GPC6: variants seen among roughly 807,000 people sequenced by gnomAD.
GPC6 encodes the protein glypican 6.
A neutral mutation model predicts 55.2 loss-of-function variants in GPC6; 14 were observed. That is an observed-to-expected ratio of 0.25 (90% CI 0.17 to 0.40). The LOEUF (loss-of-function observed/expected upper bound fraction) is 0.40. GPC6 is among the 10% of genes least tolerant of loss of function. The pLI, the probability that GPC6 is intolerant of heterozygous loss-of-function variation, is 1.00. For missense variants in GPC6, 641 were observed against 708.5 expected, an observed-to-expected ratio of 0.90 and a Z score of 1.08; for synonymous variants, 278 against 259.6, an observed-to-expected ratio of 1.07 and a Z score of -0.68.
Position 94,211,715 on chromosome 13 carries a change from AT to A in GPC6, c.878-74632del, listed in dbSNP as rs527951098. On this transcript the variant is annotated intron_variant, in intron 4 of 8. Coordinates refer to ENST00000377047, the MANE Select transcript of GPC6 (RefSeq NM_005708.5). The stretch of plus-strand genomic sequence containing the variant: ...AGAGTTAGTAACTTGTGGAACCAGT[AT>A]TCATCTTAAGCTTTGGCTTAAAGAC... Among the ~76,000 whole-genome samples, 114 of 152,334 alleles carry A rather than the reference AT, an allele frequency of 7.5e-4. 2 individuals are homozygous for A. Among genetic ancestry groups the A allele is most frequent in the African/African-American group, 2.6e-3 (109 of 41,582 alleles).
chr13:93,693,172 A>G (rs1185587498), intron 2 of GPC6, among the ~76,000 whole-genome samples: 2 of 152,170 alleles, frequency 1.3e-5, no homozygotes, highest in African/African-American at 4.8e-5. Context: ...GTGATACACT[A>G]GTCAAGGGCT....
intron 2 of GPC6, among the ~76,000 whole-genome samples, chr13:93,627,842 A>G (rs1483666732): frequency 1.3e-5 from 2 of 152,200 alleles, no homozygotes; most frequent in Admixed American, 1.3e-4. Context: ...ATTTAATGTT[A>G]TAGTATAAGT....
chr13:93,976,890 G>C (rs1880542707), intron 3 of GPC6, among the ~76,000 whole-genome samples: 1 of 151,990 alleles, frequency 6.6e-6, no homozygotes, highest in Non-Finnish European at 1.5e-5. Flanking sequence ...GTCTTGATTG[G>C]AACGTTTATT....
chr13:93,807,056 A>G (rs747611700), intron 2 of GPC6, among the ~76,000 whole-genome samples: 2 of 152,330 alleles, frequency 1.3e-5, no homozygotes, highest in East Asian at 3.9e-4. Context: ...TGAAACCATA[A>G]AACTGACTGG....
chr13:93,571,019 G>A (rs950018194), intron 2 of GPC6, among the ~76,000 whole-genome samples: 1 of 152,000 alleles, frequency 6.6e-6, no homozygotes. Flanking sequence ...TGTGTGTAGT[G>A]TTTGTCTTAT....
intron 2 of GPC6, among the ~76,000 whole-genome samples, chr13:93,575,648 T>C (rs976963982): frequency 1.3e-5 from 2 of 152,224 alleles, no homozygotes; most frequent in African/African-American, 4.8e-5. Context: ...CTTCTCAGTG[T>C]CTTATAAGTA....
intron 4 of GPC6, among the ~76,000 whole-genome samples, chr13:94,044,750 A>T (rs1199287666): frequency 2.0e-5 from 3 of 151,884 alleles, no homozygotes; most frequent in Non-Finnish European, 4.4e-5. Context: ...CCAGCTACTT[A>T]TAAGAATCCC....
At chr13:93,451,640 A>G (rs939825004) in intron 1 of GPC6, among the ~76,000 whole-genome samples, 5 of 152,208 alleles carry the variant, frequency 3.3e-5, no homozygotes, top group Non-Finnish European at 5.9e-5. Flanking sequence ...CCTTATTACA[A>G]TGCCTAACAT....
At chr13:94,225,264 T>A (rs1179516574) in intron 4 of GPC6, among the ~76,000 whole-genome samples, 1 of 152,142 alleles carries the variant, frequency 6.6e-6, no homozygotes, top group East Asian at 1.9e-4. Context: ...TTATGTCTTC[T>A]TAAAACCAGT....
At chr13:93,816,525 C>CT (rs547458706) in intron 2 of GPC6, among the ~76,000 whole-genome samples, 3,328 of 144,256 alleles carry the variant, frequency 0.023, 61 homozygotes, top group South Asian at 0.072. Flanking sequence ...CCTCTTTATG[C>CT]TTTTTTTTTT....
At chr13:93,868,600 C>T (rs1889040002) in intron 3 of GPC6, among the ~76,000 whole-genome samples, 2 of 151,784 alleles carry the variant, frequency 1.3e-5, no homozygotes, top group Admixed American at 1.3e-4. Context: ...ATGTAAAGGT[C>T]TCTCTTTCCC....
chr13:93,800,544 A>G (rs1330885911), intron 2 of GPC6, among the ~76,000 whole-genome samples: 4 of 152,190 alleles, frequency 2.6e-5, no homozygotes, highest in African/African-American at 7.2e-5. Context: ...TAGTGTCAGG[A>G]CAAACCTCTA....
In GPC6 at chr13:94,266,556, T is replaced by A. The variant is rs923591258; in HGVS notation, c.878-19793T>A. Among the ~76,000 whole-genome samples the A allele has an allele frequency of 2.0e-5, 3 of 151,794 alleles. No individual in the cohort carries two copies. In the South Asian group the frequency reaches 6.2e-4, roughly 32 times the overall value. The stretch of plus-strand genomic sequence containing the variant: ...CCCTTCCCCACCCTCCCTCAGTCTT[T>A]CTTCTCTACTTAACTGACTTCTAGC... On this transcript the variant is annotated intron_variant, in intron 4 of 8. Coordinates refer to ENST00000377047, the MANE Select transcript of GPC6 (RefSeq NM_005708.5).
At chr13:93,370,049 A>T (rs1241627240) in intron 1 of GPC6, among the ~76,000 whole-genome samples, 1 of 152,154 alleles carries the variant, frequency 6.6e-6, no homozygotes, top group Non-Finnish European at 1.5e-5. Context: ...TGTCTCTGGC[A>T]GCTCTTCATT....
Position 93,653,575 on chromosome 13 carries a change from C to CGT in GPC6, c.319+108191_319+108192dup, listed in dbSNP as rs55845007. Among the ~76,000 whole-genome samples the CGT allele has an allele frequency of 2.3e-3, 333 of 145,752 alleles. 2 individuals are homozygous for CGT. The highest frequency in any genetic ancestry group is 5.3e-3 in the African/African-American group (210 of 39,458). ...TCAATAATCCTATGAAGTATATGGC[C>CGT]GTGTGTGTGTGTGTGTGTGTGTGTG... On this transcript the variant is annotated intron_variant, in intron 2 of 8. Coordinates refer to ENST00000377047, the MANE Select transcript of GPC6 (RefSeq NM_005708.5).
At position 93,277,860 on chromosome 13, in the gene GPC6, TA is replaced by T. The variant is rs549382287; in HGVS notation, c.160+50246del. Among the ~76,000 whole-genome samples the T allele has an allele frequency of 4.4e-3, 664 of 152,272 alleles. 5 individuals are homozygous for T. The highest frequency in any genetic ancestry group is 0.015 in the African/African-American group (640 of 41,558). ...GGGAGAAATTTTCTTTTATTGAAAT[TA>T]AGGGTTTTTATGTTTGCTTTCCTAC... is the stretch of plus-strand genomic sequence containing the variant. On this transcript the variant is annotated intron_variant, in intron 1 of 8. Transcript: ENST00000377047.
chr13:93,302,133 T>C (rs949816547), intron 1 of GPC6, among the ~76,000 whole-genome samples: 2 of 152,126 alleles, frequency 1.3e-5, no homozygotes, highest in African/African-American at 2.4e-5. Context: ...TGAGCAAGGA[T>C]GGGATGTGGG....
At chr13:93,540,764 T>C (rs898196795) in intron 1 of GPC6, among the ~76,000 whole-genome samples, 11 of 152,156 alleles carry the variant, frequency 7.2e-5, no homozygotes, top group Admixed American at 3.9e-4. Context: ...TACAGTGGTG[T>C]AGAACACTAG....
chr13:94,125,825 C>T lies in GPC6; in HGVS notation c.877+97931C>T, dbSNP rs55899851. On this transcript the variant is annotated intron_variant, in intron 4 of 8. Transcript: ENST00000377047. ...ATCCTTAAAAGTTACATTATAAACT[C>T]CAGACCTTTCATACACATAATAAGG... is the stretch of plus-strand genomic sequence containing the variant. Among the ~76,000 whole-genome samples, 493 of 152,082 alleles carry T rather than the reference C, an allele frequency of 3.2e-3. 5 individuals are homozygous for T. The highest frequency in any genetic ancestry group is 0.011 in the African/African-American group (442 of 41,502).
Sources: allele counts gnomAD v4.1 joint callset (sites outside exome capture counted in the v4.1 genomes callset), GRCh38; gene constraint gnomAD v4.1.1; transcripts MANE v1.5; gene names NCBI Gene and HGNC (gene_info 2026-07-23, HGNC 2026-07-21).